Variants in MRPS35 observed in about 807,000 individuals in gnomAD.
MRPS35 encodes small ribosomal subunit protein mS35.
A neutral mutation model predicts 32.7 loss-of-function variants in MRPS35; 29 were observed. The ratio of observed to expected loss-of-function variants is 0.89; its 90% confidence interval spans 0.66 to 1.21. The LOEUF (loss-of-function observed/expected upper bound fraction) is 1.21, where lower values mean the gene tolerates loss of function less well. MRPS35 is among the 50% of genes most tolerant of loss of function. The pLI is 0.00. For missense variants in MRPS35, 373 were observed against 383.8 expected (o/e 0.97, Z 0.23); for synonymous variants, 148 against 139.3 (o/e 1.06, Z -0.44).
intron 7 of MRPS35, among the ~76,000 whole-genome samples, 194 bp downstream of exon 7, chr12:27,737,802 T>C (rs1478990595): frequency 6.6e-6 from 1 of 152,222 alleles, no homozygotes; most frequent in Non-Finnish European, 1.5e-5. Context: ...ATTCAGTTCA[T>C]CTCAGGACCT....
At chr12:27,727,974 T>C (rs372011375) in intron 5 of MRPS35, among the ~76,000 whole-genome samples, 11 of 152,302 alleles carry the variant, frequency 7.2e-5, no homozygotes, top group African/African-American at 2.4e-4. Flanking sequence ...GTTGTTATAC[T>C]GTATTTTAAG....
intron 7 of MRPS35, among the ~76,000 whole-genome samples, chr12:27,749,502 A>C (rs1399183203): frequency 1.3e-5 from 2 of 152,184 alleles, no homozygotes; most frequent in Non-Finnish European, 2.9e-5. Context: ...TCACTATATG[A>C]TTTTGTGAGT....
chr12:27,720,251 C>G (rs1189789123), intron 4 of MRPS35, among the ~76,000 whole-genome samples: 3 of 151,812 alleles, frequency 2.0e-5, no homozygotes, highest in South Asian at 2.1e-4. Context: ...AAAATTAGTC[C>G]TGCATGGTGG....
chr12:27,729,817 A>G (rs1005153859), intron 5 of MRPS35, among the ~76,000 whole-genome samples: 1 of 151,516 alleles, frequency 6.6e-6, no homozygotes, highest in Admixed American at 6.5e-5. Flanking sequence ...ACTGTTACTC[A>G]CCTGGACCAC....
chr12:27,710,851 C>T lies in MRPS35; in HGVS notation c.8C>T (p.Ala3Val). ...CTTGCCGTCCTCGCAGCCATGGCGG[C>T]CGCCGCGCTCCCAGCATGGCTGTCT... MA[A>V]AALPAWLSLQ... Residue 3 changes from alanine (A) to valine (V), a missense_variant, in exon 1 of 8, where the codon GCC becomes GTC. Transcript: ENST00000081029. The T allele has an allele frequency of 3.1e-6, 5 of 1,605,944 alleles. No individual in the cohort carries two copies. Among genetic ancestry groups the T allele is most frequent in the South Asian group, 1.1e-5 (1 of 90,900 alleles).
At chr12:27,741,022 G>C (rs992696759) in intron 7 of MRPS35, among the ~76,000 whole-genome samples, 5 of 151,992 alleles carry the variant, frequency 3.3e-5, no homozygotes, top group African/African-American at 1.2e-4. Context: ...CAAAAAATTA[G>C]CCAGGCATGG....
rs781628101 is a variant in MRPS35, at chr12:27,714,831, C to T, written c.153+11C>T. On this transcript the variant is annotated intron_variant, in intron 2 of 7. Coordinates refer to ENST00000081029, the MANE Select transcript of MRPS35 (RefSeq NM_021821.4). ...CCACCAAGAAGAAAGGTAAAAAGTT[C>T]GTATACTCTACTATCTTAATGGTTT... is the stretch of plus-strand genomic sequence containing the variant. 41 of 1,607,454 alleles carry T rather than the reference C, an allele frequency of 2.6e-5. No homozygotes were observed. Among genetic ancestry groups the T allele is most frequent in the African/African-American group, 1.5e-4 (11 of 74,656 alleles).
rs1333611675 is a variant in MRPS35 at position 27,710,968 on chromosome 12, C to T, written c.112+13C>T. 6 of 1,605,880 alleles carry T rather than the reference C, an allele frequency of 3.7e-6. No homozygotes were observed. In the South Asian group the frequency reaches 5.5e-5, roughly 15 times the overall value. The stretch of plus-strand genomic sequence containing the variant: ...ACACCTAGCCTGCGTGAGTGTCTGT[C>T]TCGTCTTCTCTGGGCTTTGGGGGAG... On this transcript the variant is annotated intron_variant, in intron 1 of 7. Transcript: ENST00000081029.
At chr12:27,723,903 G>A in intron 4 of MRPS35, 144 bp from the exon 5 acceptor site, 1 of 692,842 alleles carries the variant, frequency 1.4e-6, no homozygotes, top group Non-Finnish European at 2.3e-6. Context: ...AAGGGATGAT[G>A]CTATATATGT....
intron 5 of MRPS35, among the ~76,000 whole-genome samples, chr12:27,726,413 T>G (rs1035254739): frequency 6.6e-6 from 1 of 152,130 alleles, no homozygotes; most frequent in East Asian, 1.9e-4. Flanking sequence ...GACATTTGGG[T>G]TGTGTCTACT....
intron 5 of MRPS35, among the ~76,000 whole-genome samples, chr12:27,733,402 T>C (rs183371100): frequency 2.6e-5 from 4 of 152,316 alleles, no homozygotes; most frequent in African/African-American, 9.6e-5. Flanking sequence ...AATGATCAGC[T>C]TTGCTGCCTT....
At chr12:27,723,673 T>A (rs1400323950) in intron 4 of MRPS35, among the ~76,000 whole-genome samples, 1 of 152,236 alleles carries the variant, frequency 6.6e-6, no homozygotes, top group African/African-American at 2.4e-5. Context: ...TGTTACTTTT[T>A]TGAAAACAGT....
chr12:27,749,072 A>C (rs1282067739), intron 7 of MRPS35, among the ~76,000 whole-genome samples: 3 of 152,182 alleles, frequency 2.0e-5, no homozygotes, highest in Non-Finnish European at 2.9e-5. Flanking sequence ...TAAAAAACGG[A>C]TTTAAGATGT....
chr12:27,754,064 G>A (rs2062016747), intron 7 of MRPS35, among the ~76,000 whole-genome samples: 1 of 152,146 alleles, frequency 6.6e-6, no homozygotes, highest in African/African-American at 2.4e-5. Context: ...GACCGGCCTA[G>A]AAAACATGGT....
intron 7 of MRPS35, among the ~76,000 whole-genome samples, chr12:27,753,426 A>G (rs930971666): frequency 2.7e-5 from 4 of 150,604 alleles, no homozygotes; most frequent in Admixed American, 6.6e-5. Context: ...CACATCTCCA[A>G]TGCTTTCTTT....
intron 5 of MRPS35, among the ~76,000 whole-genome samples, chr12:27,731,587 G>A (rs1476231885): frequency 6.6e-6 from 1 of 151,626 alleles, no homozygotes; most frequent in Non-Finnish European, 1.5e-5. Context: ...TTATTTTTTT[G>A]AGACAGGGTC....
At chr12:27,742,385 C>T (rs1316267741) in intron 7 of MRPS35, among the ~76,000 whole-genome samples, 3 of 152,114 alleles carry the variant, frequency 2.0e-5, no homozygotes, top group Admixed American at 1.3e-4. Context: ...AATGAATGAC[C>T]CCCTGCCTTA....
chr12:27,732,860 G>A (rs2061926946), intron 5 of MRPS35, among the ~76,000 whole-genome samples: 1 of 151,808 alleles, frequency 6.6e-6, no homozygotes, highest in South Asian at 2.1e-4. Flanking sequence ...ACCAATTCTT[G>A]TCTTTTATGT....
intron 7 of MRPS35, among the ~76,000 whole-genome samples, chr12:27,744,447 A>AT (rs1479795663): frequency 3.3e-5 from 5 of 152,150 alleles, no homozygotes; most frequent in African/African-American, 9.7e-5. Flanking sequence ...TACAAAAAAA[A>AT]AATTAGGAAG....
Sources: allele counts gnomAD v4.1 joint callset (sites outside exome capture counted in the v4.1 genomes callset), GRCh38; gene constraint gnomAD v4.1.1; transcripts MANE v1.5; gene names NCBI Gene and HGNC (gene_info 2026-07-23, HGNC 2026-07-21).